Variants in GRID2IP observed in about 807,000 individuals in gnomAD.
GRID2IP encodes the protein delphilin.
Under a neutral mutation model 114.3 loss-of-function variants are expected in GRID2IP, and 78 were observed. That is an observed-to-expected ratio of 0.68 (90% CI 0.57 to 0.82). GRID2IP has a LOEUF of 0.82. Among genes scored for constraint, GRID2IP ranks in the 40% least tolerant of loss-of-function variants. The pLI is 0.00. For synonymous variants in GRID2IP, 809 were observed against 724.0 expected (o/e 1.12, Z -1.89); for missense variants, 1,727 against 1,678.5 (o/e 1.03, Z -0.51).
chr7:6,539,935 C>G lies in GRID2IP; in HGVS notation c.430-63G>C. Reference sequence around the variant, plus strand: ...CAGAGTGGAACCCTGGAGAACTGCTCTCCTCCTTCCTTTCCTCCCTCAGTT... The same window carrying G: ...CAGAGTGGAACCCTGGAGAACTGCTGTCCTCCTTCCTTTCCTCCCTCAGTT... On this transcript the variant is annotated intron_variant, in intron 1 of 21. Coordinates refer to ENST00000457091, the MANE Select transcript of GRID2IP (RefSeq NM_001145118.2). 2.8e-6 allele frequency: 4 copies of G among 1,435,154 alleles called. No individual in the cohort carries two copies. The South Asian group carries it at 5.4e-5, about 19-fold the overall frequency. The allele number at this position is 1,435,154 out of a possible 1,614,324, so 88.9% of individuals were successfully genotyped here.
rs748367727 is a variant in GRID2IP, at chr7:6,504,749, C to T, written c.2710+44G>A. The T allele has an allele frequency of 7.5e-6, 11 of 1,470,430 alleles. No individual in the cohort carries two copies. In the South Asian group the frequency reaches 1.1e-4, roughly 15 times the overall value. 91.1% of individuals were successfully genotyped at this position (1,470,430 alleles called of 1,614,324 possible). On this transcript the variant is annotated intron_variant, in intron 15 of 21. Transcript: ENST00000457091. ...CAGGTCTGAGGCCCAGAGAAAGGGC[C>T]GCCGCCTGCCCCCTACACCCCCTGG...
rs1040071568 is a variant in GRID2IP at position 6,514,386 on chromosome 7, G to A, written c.1412C>T (p.Thr471Met). The A allele has an allele frequency of 1.2e-5, 18 of 1,525,074 alleles. No homozygotes were observed. Among genetic ancestry groups the A allele is most frequent in the East Asian group, 5.0e-5 (2 of 40,368 alleles). 94.5% of individuals were successfully genotyped at this position (1,525,074 alleles called of 1,614,324 possible). A position where few individuals can be genotyped will look rare whatever the true frequency, so the allele number is the denominator to read the frequency against. The change falls in exon 8 of 22, where the codon ACG becomes ATG. Residue 471 changes from threonine to methionine, a missense_variant. Transcript: ENST00000457091. ...GAGAGGACGCTTACCTGTCATGGCC[G>A]TGTAGCCCAGGAAGCATGCGATTTT... is the stretch of plus-strand genomic sequence containing the variant. ...QEKIACFLGYTAMTAEPEPEL... is the reference protein window; with the variant it reads ...QEKIACFLGYMAMTAEPEPEL...
intron 2 of GRID2IP, among the ~76,000 whole-genome samples, chr7:6,529,682 A>C (rs917471289): frequency 2.6e-5 from 4 of 152,258 alleles, no homozygotes; most frequent in African/African-American, 9.6e-5. Flanking sequence ...GACCCAGCAG[A>C]GCCAGGAGCA....
Position 6,505,357 on chromosome 7 carries a change from CTTTTTTTT to C in GRID2IP, c.2632+455_2632+462del, listed in dbSNP as rs11352946. On this transcript the variant is annotated intron_variant, in intron 14 of 21. Transcript: ENST00000457091. ...TTGATCACTGCACAGTAAATGCCAGCTTTTTTTTTTTTTTTTTTTTTAGACGGGGTCTC... is the reference window on the plus strand; with the variant it reads ...TTGATCACTGCACAGTAAATGCCAGCTTTTTTTTTTTTTAGACGGGGTCTC... 2.5e-5 allele frequency among the ~76,000 whole-genome samples: 3 copies of C among 119,434 alleles called. No homozygotes were observed. The East Asian group carries it at 6.6e-4, about 26-fold the overall frequency. 78.4% of individuals were successfully genotyped at this position (119,434 alleles called of 152,430 possible). A position where few individuals can be genotyped will look rare whatever the true frequency, so the allele number is the denominator to read the frequency against.
intron 10 of GRID2IP, 66 bp downstream of exon 10, chr7:6,510,543 C>G: frequency 7.3e-7 from 1 of 1,363,532 alleles, no homozygotes; most frequent in Non-Finnish European, 9.9e-7. Context: ...CTCCTGGGCC[C>G]AGTCCTATGG....
In GRID2IP at chr7:6,514,463, C is replaced by A; in HGVS notation, c.1335G>T (p.Trp445Cys). ...VLDTPAKQVL[W>C]QFIYQLLTYE... ...AGGTCAGCAGCTGGTAGATGAACTG[C>A]CACAGGACCTGCTTGGCAGGGGTGT... Residue 445 changes from tryptophan (W) to cysteine (C), a missense_variant, in exon 8 of 22, where the codon TGG becomes TGT. Coordinates refer to ENST00000457091, the MANE Select transcript of GRID2IP (RefSeq NM_001145118.2). The A allele has an allele frequency of 6.5e-7, 1 of 1,549,896 alleles. No homozygotes were observed. Among genetic ancestry groups the A allele is most frequent in the Non-Finnish European group, 8.7e-7 (1 of 1,146,248 alleles).
chr7:6,542,602 G>C (rs1051455684), intron 1 of GRID2IP, among the ~76,000 whole-genome samples: 1 of 152,158 alleles, frequency 6.6e-6, no homozygotes, highest in Non-Finnish European at 1.5e-5. Context: ...AGGCTGCAGT[G>C]AGCCAAGATT....
intron 16 of GRID2IP, 100 bp downstream of exon 16, chr7:6,503,391 G>T: frequency 8.2e-7 from 1 of 1,219,418 alleles, no homozygotes; most frequent in Non-Finnish European, 1.1e-6. Context: ...TGGGCGCAAT[G>T]GCGGCCCCCG....
chr7:6,551,388 A>G lies in GRID2IP; in HGVS notation c.49T>C (p.Phe17Leu). 1 of 1,547,970 alleles carries G rather than the reference A, an allele frequency of 6.5e-7. No individual in the cohort carries two copies. Among genetic ancestry groups the G allele is most frequent in the Non-Finnish European group, 8.7e-7 (1 of 1,145,780 alleles). ...PATNQGWPED[F>L]GFRLGGSGPC... is the part of the protein sequence containing the mutation. ...CCAGAGCCACCTAGCCGGAAGCCAA[A>G]GTCCTCTGGCCAGCCCTGGTTCGTG... Residue 17 changes from phenylalanine (F) to leucine (L), a missense_variant, in exon 1 of 22, where the codon TTT becomes CTT. Transcript: ENST00000457091.
chr7:6,532,793 G>C lies in GRID2IP; in HGVS notation c.585-6024C>G, dbSNP rs960715213. Among the ~76,000 whole-genome samples the C allele has an allele frequency of 6.6e-6, 1 of 152,208 alleles. No individual in the cohort carries two copies. Among genetic ancestry groups the C allele is most frequent in the African/African-American group, 2.4e-5 (1 of 41,458 alleles). ...AAAGGCTCTGAAAACCATCCACCGT[G>C]CTGTGAGCACAGGAGATGCAACCAG... On this transcript the variant is annotated intron_variant, in intron 2 of 21. Coordinates refer to ENST00000457091, the MANE Select transcript of GRID2IP (RefSeq NM_001145118.2). The surrounding 1 kb of genome is among the most constrained non-coding windows in gnomAD (Gnocchi z 4.4).
rs191330076 is a variant in GRID2IP, at chr7:6,546,226, G to C, written c.429+4782C>G. 1.0e-3 allele frequency among the ~76,000 whole-genome samples: 152 copies of C among 151,314 alleles called. 1 individual carries two copies. The East Asian group carries it at 0.02, about 20-fold the overall frequency. ...TAATCCCAGCACTTTGGAAGGCAGA[G>C]GCAGGTGGATCACCTGAGGTCAGGA... On this transcript the variant is annotated intron_variant, in intron 1 of 21. Coordinates refer to ENST00000457091, the MANE Select transcript of GRID2IP (RefSeq NM_001145118.2).
rs79178028 is a variant in GRID2IP at position 6,528,560 on chromosome 7, A to G, written c.585-1791T>C. 0.014 allele frequency among the ~76,000 whole-genome samples: 2,134 copies of G among 152,296 alleles called. 43 individuals carry two copies. Among genetic ancestry groups the G allele is most frequent in the African/African-American group, 0.044 (1,827 of 41,574 alleles). ...GGCCCCCTTCCCTGTTCCTTGTACC[A>G]GGTGCCAGGGCCAAGGGCAAGATGA... On this transcript the variant is annotated intron_variant, in intron 2 of 21. Coordinates refer to ENST00000457091, the MANE Select transcript of GRID2IP (RefSeq NM_001145118.2). This position sits in a 1 kb window ranked among gnomAD's most constrained non-coding sequence, Gnocchi z 6.0.
chr7:6,535,034 C>T (rs1275481657), intron 2 of GRID2IP, among the ~76,000 whole-genome samples: 3 of 152,286 alleles, frequency 2.0e-5, no homozygotes, highest in Admixed American at 6.5e-5. Flanking sequence ...TACAGGCATG[C>T]GCCACCACCC....
At position 6,536,489 on chromosome 7, in the gene GRID2IP, T is replaced by C. The variant is rs1040887519; in HGVS notation, c.584+3229A>G. ...CAGCGGCGGCTGGGAAAGGCGGGCA[T>C]GGGGCTGTCCCGGGGGGCAGGCGGG... On this transcript the variant is annotated intron_variant, in intron 2 of 21. Coordinates refer to ENST00000457091, the MANE Select transcript of GRID2IP (RefSeq NM_001145118.2). This position sits in a 1 kb window ranked among gnomAD's most constrained non-coding sequence, Gnocchi z 5.3. Among the ~76,000 whole-genome samples, 1 of 151,880 alleles carries C rather than the reference T, an allele frequency of 6.6e-6. No homozygotes were observed. The highest frequency in any genetic ancestry group is 2.4e-5 in the African/African-American group (1 of 41,372).
In GRID2IP at chr7:6,520,075, A is replaced by T. The variant is rs1294775755; in HGVS notation, c.1268+503T>A. Among the ~76,000 whole-genome samples the T allele has an allele frequency of 1.3e-5, 2 of 152,134 alleles. No homozygotes were observed. The highest frequency in any genetic ancestry group is 4.8e-5 in the African/African-American group (2 of 41,418). ...CAGATCACGAGGTCAGGAGTTTGAG[A>T]CCAGCCTGACCAACATAGTGAAACC... On this transcript the variant is annotated intron_variant, in intron 7 of 21. Transcript: ENST00000457091. This position sits in a 1 kb window ranked among gnomAD's most constrained non-coding sequence, Gnocchi z 4.6.
Position 6,497,709 on chromosome 7 carries a change from G to A in GRID2IP, c.*65C>T. ...CACAGTGGCCCCGGACCTCGGCAGT[G>A]TCTGGGCTGCCCTCTCGGCCTCCAT... On this transcript the variant is annotated 3_prime_UTR_variant, in exon 22 of 22. Transcript: ENST00000457091. 7.9e-7 allele frequency: 1 copy of A among 1,273,036 alleles called. No homozygotes were observed. Among genetic ancestry groups the A allele is most frequent in the South Asian group, 1.3e-5 (1 of 74,564 alleles). The allele number at this position is 1,273,036 out of a possible 1,614,324, so 78.9% of individuals were successfully genotyped here.
At position 6,520,878 on chromosome 7, in the gene GRID2IP, C is replaced by T; in HGVS notation, c.1085-117G>A. The T allele has an allele frequency of 2.1e-6, 2 of 975,334 alleles. No individual in the cohort carries two copies. The highest frequency in any genetic ancestry group is 3.0e-6 in the Non-Finnish European group (2 of 667,716). 60.4% of individuals were successfully genotyped at this position (975,334 alleles called of 1,614,324 possible). On this transcript the variant is annotated intron_variant, in intron 6 of 21. Transcript: ENST00000457091. This position sits in a 1 kb window ranked among gnomAD's most constrained non-coding sequence, Gnocchi z 4.6. ...GAGCTGGGGTGTGGCTGTCCAGTGC[C>T]ATGCATGGGAAGGCATGCCTGTGGC...
Position 6,507,306 on chromosome 7 carries a change from C to A in GRID2IP, c.2544+679G>T, listed in dbSNP as rs1786621881. 6.6e-6 allele frequency among the ~76,000 whole-genome samples: 1 copy of A among 151,356 alleles called. No individual in the cohort carries two copies. The highest frequency in any genetic ancestry group is 1.5e-5 in the Non-Finnish European group (1 of 67,956). On this transcript the variant is annotated intron_variant, in intron 13 of 21. Transcript: ENST00000457091. The surrounding 1 kb of genome is among the most constrained non-coding windows in gnomAD (Gnocchi z 5.3). ...GGTCAAGCCCCATTGGGGGTTCCAT[C>A]TGGGAATGTCTCTTTGACAGGGACA...
Position 6,536,093 on chromosome 7 carries a change from C to T in GRID2IP, c.584+3625G>A, listed in dbSNP as rs1779718432. 6.6e-6 allele frequency among the ~76,000 whole-genome samples: 1 copy of T among 152,178 alleles called. No homozygotes were observed. The highest frequency in any genetic ancestry group is 2.1e-4 in the South Asian group (1 of 4,832). On this transcript the variant is annotated intron_variant, in intron 2 of 21. Coordinates refer to ENST00000457091, the MANE Select transcript of GRID2IP (RefSeq NM_001145118.2). This position sits in a 1 kb window ranked among gnomAD's most constrained non-coding sequence, Gnocchi z 5.3. The stretch of plus-strand genomic sequence containing the variant: ...TCTGACCTCTCTCCAGATGGGGCTG[C>T]CCAGAGATCGCTGCCACCCTAGAGG...
Sources: gnomAD v4.1 joint callset for allele counts (sites outside exome capture counted in the v4.1 genomes callset) on GRCh38, gnomAD v4.1.1 for gene constraint, Gnocchi (gnomAD v3.1) non-coding constraint, MANE v1.5 for transcripts, NCBI Gene and HGNC (gene_info 2026-07-23, HGNC 2026-07-21) for gene names.